ATAD5: variants seen among roughly 807,000 people sequenced by gnomAD.
ATAD5 encodes ATPase family AAA domain-containing protein 5.
ATAD5 carries 58 observed loss-of-function variants against 176.9 expected under a neutral mutation model. That is an observed-to-expected ratio of 0.33 (90% confidence interval 0.27 to 0.41). The LOEUF (loss-of-function observed/expected upper bound fraction) is 0.41, where lower values mean the gene tolerates loss of function less well. Ranked by LOEUF, ATAD5 falls within the 10% of genes least tolerant of loss-of-function variation. The pLI is 1.00. For missense variants in ATAD5, 1,789 were observed against 2,094.1 expected, an observed-to-expected ratio of 0.85 and a Z score of 2.84; for synonymous variants, 640 against 712.6, an observed-to-expected ratio of 0.90 and a Z score of 1.62.
In ATAD5 at chr17:30,869,410, A is replaced by T; in HGVS notation, c.3456+20A>T. 7 of 1,610,102 alleles carry T rather than the reference A, an allele frequency of 4.3e-6. No individual in the cohort carries two copies. Among genetic ancestry groups the T allele is most frequent in the Non-Finnish European group, 5.9e-6 (7 of 1,178,986 alleles). On this transcript the variant is annotated intron_variant, in intron 13 of 22. Coordinates refer to ENST00000321990, the MANE Select transcript of ATAD5 (RefSeq NM_024857.5). ...TTTAAGGTTAGTAACAGCTATGATG[A>T]GAGAATGTTAATGTAATAATTACCC...
In ATAD5 at chr17:30,893,677, C is replaced by T. The variant is rs375680809; in HGVS notation, c.4824C>T (p.Asp1608=). 5.2e-5 allele frequency: 84 copies of T among 1,613,004 alleles called. 1 individual carries two copies. Among genetic ancestry groups the T allele is most frequent in the African/African-American group, 1.7e-4 (13 of 74,786 alleles). Residue 1608 remains aspartate, a synonymous_variant, in exon 21 of 23, where the codon GAC becomes GAT. Coordinates refer to ENST00000321990, the MANE Select transcript of ATAD5 (RefSeq NM_024857.5). Reference sequence around the variant, plus strand: ...ATGCAGAAGAAAGCAAAACCGGAGACGAAGAAAGCAAAGCCAGAGACAAAG... The same window carrying T: ...ATGCAGAAGAAAGCAAAACCGGAGATGAAGAAAGCAAAGCCAGAGACAAAG... The part of the protein sequence containing the change: ...SSNAEESKTG[D]EESKARDKGN...
chr17:30,876,192 A>G (rs1156926022), intron 14 of ATAD5, among the ~76,000 whole-genome samples, 182 bp from the exon 15 acceptor site: 1 of 152,120 alleles, frequency 6.6e-6, no homozygotes, highest in African/African-American at 2.4e-5. Flanking sequence ...AACCTTCTGT[A>G]CTGGTAGAAT....
intron 6 of ATAD5, among the ~76,000 whole-genome samples, chr17:30,850,213 C>T (rs939393237): frequency 6.6e-6 from 1 of 151,902 alleles, no homozygotes; most frequent in Non-Finnish European, 1.5e-5. Context: ...ATTATGGTGA[C>T]CATATAGTAC....
At chr17:30,850,853 A>G (rs1247099396) in intron 6 of ATAD5, among the ~76,000 whole-genome samples, 6 of 37,886 alleles carry the variant, frequency 1.6e-4, no homozygotes, top group African/African-American at 3.9e-4. Context: ...ATATATATAT[A>G]TATATATATA....
At chr17:30,857,151 C>T (rs375254581) in intron 8 of ATAD5, 39 bp downstream of exon 8, 20 of 1,561,712 alleles carry the variant, frequency 1.3e-5, no homozygotes, top group Non-Finnish European at 1.7e-5. Context: ...GAGTGTTTCC[C>T]TTACATCTTG....
At chr17:30,855,500 C>T (rs907084558) in intron 7 of ATAD5, among the ~76,000 whole-genome samples, 173 bp downstream of exon 7, 6 of 151,978 alleles carry the variant, frequency 3.9e-5, no homozygotes, top group Non-Finnish European at 7.4e-5. Flanking sequence ...TTCCAGGACC[C>T]CCTTGTGGAT....
At chr17:30,858,016 A>G in intron 8 of ATAD5, 145 bp from the exon 9 acceptor site, 1 of 594,650 alleles carries the variant, frequency 1.7e-6, no homozygotes, top group Non-Finnish European at 2.5e-6. Context: ...AGTGCTGGGA[A>G]TATAGGCGTG....
chr17:30,895,120 T>C lies in ATAD5; in HGVS notation c.*207T>C. ...TGTAATTTTTTTTCTGAATTTTTTGTATTATCTGATTTAGCTTTGTTGGAG... is the reference window on the plus strand; with the variant it reads ...TGTAATTTTTTTTCTGAATTTTTTGCATTATCTGATTTAGCTTTGTTGGAG... On this transcript the variant is annotated 3_prime_UTR_variant, in exon 23 of 23. Coordinates refer to ENST00000321990, the MANE Select transcript of ATAD5 (RefSeq NM_024857.5). The C allele has an allele frequency of 2.5e-6, 1 of 399,966 alleles. No individual in the cohort carries two copies. Among genetic ancestry groups the C allele is most frequent in the Non-Finnish European group, 4.4e-6 (1 of 225,668 alleles). 24.8% of individuals were successfully genotyped at this position (399,966 alleles called of 1,614,324 possible).
intron 10 of ATAD5, chr17:30,861,943 T>G (rs1907661870): frequency 6.6e-6 from 1 of 151,266 alleles, no homozygotes; most frequent in Admixed American, 6.6e-5. Flanking sequence ...TTTTTTGGTA[T>G]TTTTAGTAGA....
At chr17:30,850,673 G>C (rs544746237) in intron 6 of ATAD5, among the ~76,000 whole-genome samples, 89 of 150,750 alleles carry the variant, frequency 5.9e-4, no homozygotes, top group Non-Finnish European at 9.6e-4. Flanking sequence ...CAAGCTCTAA[G>C]ACATCTCTTA....
At chr17:30,892,850 G>C in intron 20 of ATAD5, 62 bp downstream of exon 20, 12 of 1,307,876 alleles carry the variant, frequency 9.2e-6, no homozygotes, top group Non-Finnish European at 1.3e-5. Flanking sequence ...CCCAACATTA[G>C]CCTCCTATCT....
At chr17:30,850,655 A>G in intron 6 of ATAD5, among the ~76,000 whole-genome samples, 1 of 151,184 alleles carries the variant, frequency 6.6e-6, no homozygotes, top group East Asian at 1.9e-4. Flanking sequence ...ACTTAACGTA[A>G]TATCCTCCAA....
intron 6 of ATAD5, among the ~76,000 whole-genome samples, chr17:30,850,694 TG>T (rs1906826708): frequency 1.3e-5 from 2 of 151,080 alleles, no homozygotes; most frequent in Admixed American, 1.3e-4. Flanking sequence ...CTAGAGGTCC[TG>T]GATAGTTCAA....
At chr17:30,878,716 G>GTTTT (rs1567696442) in intron 17 of ATAD5, among the ~76,000 whole-genome samples, 3 of 82,650 alleles carry the variant, frequency 3.6e-5, no homozygotes, top group South Asian at 3.2e-4. Context: ...AAGTTAGGTG[G>GTTTT]TGTTTTTTTT....
intron 18 of ATAD5, 46 bp downstream of exon 18, chr17:30,879,533 G>T: frequency 2.1e-6 from 3 of 1,460,742 alleles, no homozygotes; most frequent in East Asian, 2.4e-5. Context: ...TCACCATCAT[G>T]TAAAAGTAGT....
In ATAD5 at chr17:30,876,552, T is replaced by G; in HGVS notation, c.3784+2T>G. ...GAATGCTTCTGGAAAATAATAAAGGTAAGACATTAAATTGACAAATTTTAT... is the reference window on the plus strand; with the variant it reads ...GAATGCTTCTGGAAAATAATAAAGGGAAGACATTAAATTGACAAATTTTAT... On this transcript the variant is annotated splice_donor_variant, in intron 15 of 22. Coordinates refer to ENST00000321990, the MANE Select transcript of ATAD5 (RefSeq NM_024857.5). LOFTEE classifies it high-confidence loss of function. The G allele has an allele frequency of 6.6e-7, 1 of 1,525,308 alleles. No individual in the cohort carries two copies. The highest frequency in any genetic ancestry group is 1.2e-5 in the South Asian group (1 of 83,362). The allele number at this position is 1,525,308 out of a possible 1,614,324, so 94.5% of individuals were successfully genotyped here.
chr17:30,850,651 C>A, intron 6 of ATAD5, among the ~76,000 whole-genome samples: 1 of 151,008 alleles, frequency 6.6e-6, no homozygotes, highest in Non-Finnish European at 1.5e-5. Context: ...TTTCACTTAA[C>A]GTAATATCCT....
At chr17:30,889,472 T>C (rs73263788) in intron 19 of ATAD5, among the ~76,000 whole-genome samples, 20,811 of 151,888 alleles carry the variant, frequency 0.14, 1,610 homozygotes, top group South Asian at 0.24. Context: ...AATTTTTCTA[T>C]ATGAGTATAT....
intron 19 of ATAD5, among the ~76,000 whole-genome samples, chr17:30,891,418 C>T (rs1909632714): frequency 1.3e-5 from 2 of 152,248 alleles, no homozygotes; most frequent in South Asian, 4.1e-4. Flanking sequence ...GTCGCCCAGG[C>T]CAGAGTACAG....
Sources: gnomAD v4.1 joint callset for allele counts (sites outside exome capture counted in the v4.1 genomes callset) on GRCh38, gnomAD v4.1.1 for gene constraint, MANE v1.5 for transcripts, NCBI Gene and HGNC (gene_info 2026-07-23, HGNC 2026-07-21) for gene names.